PHF14: variants seen among roughly 807,000 people sequenced by gnomAD.
The protein encoded by PHF14 is PHD finger protein 14.
In PHF14, 55 loss-of-function variants were observed where a neutral mutation model predicts 117.9. The observed-to-expected ratio is 0.47, with a 90% CI of 0.38 to 0.58. PHF14 has a LOEUF of 0.58. PHF14 is among the 20% of genes least tolerant of loss of function. PHF14 has a pLI of 0.00. For synonymous variants in PHF14, 409 were observed against 368.6 expected (o/e 1.11, Z -1.26); for missense variants, 978 against 1,122.2 (o/e 0.87, Z 1.84).
At chr7:11,060,460 T>G (rs1785183469) in intron 14 of PHF14, among the ~76,000 whole-genome samples, 1 of 152,216 alleles carries the variant, frequency 6.6e-6, no homozygotes, top group Admixed American at 6.5e-5. Context: ...CAGTTAGAAC[T>G]TGAATAAGTG....
At chr7:11,102,679 A>G (rs1554272767) in intron 16 of PHF14, 6 of 1,444,698 alleles carry the variant, frequency 4.2e-6, no homozygotes, top group Non-Finnish European at 5.5e-6. Context: ...AGGTTTGGAT[A>G]GAATATAATT....
intron 4 of PHF14, chr7:11,006,752 G>T (rs898047899): frequency 1.4e-6 from 1 of 702,862 alleles, no homozygotes; most frequent in African/African-American, 1.8e-5. Context: ...GTGACATGCG[G>T]ATCTTCTTTT....
chr7:11,159,947 A>G (rs934818165), intron 17 of PHF14, among the ~76,000 whole-genome samples: 1 of 152,196 alleles, frequency 6.6e-6, no homozygotes, highest in Non-Finnish European at 1.5e-5. Context: ...CAAGAGGTAC[A>G]TGGGCAGGTT....
At chr7:11,083,653 G>C (rs1786260214) in intron 16 of PHF14, among the ~76,000 whole-genome samples, 1 of 151,804 alleles carries the variant, frequency 6.6e-6, no homozygotes, top group Non-Finnish European at 1.5e-5. Flanking sequence ...AGTAGAGACA[G>C]GGTTTCACCA....
At chr7:11,040,796 T>A (rs951245670) in intron 12 of PHF14, 21 bp downstream of exon 12, 3 of 1,183,290 alleles carry the variant, frequency 2.5e-6, no homozygotes, top group Non-Finnish European at 3.6e-6. Flanking sequence ...AAATTAATAA[T>A]GATAGAATAA....
intron 17 of PHF14, among the ~76,000 whole-genome samples, chr7:11,118,889 T>G (rs1346162330): frequency 6.6e-6 from 1 of 151,874 alleles, no homozygotes. Context: ...AGTTTGTCAG[T>G]GTTTATGATA....
chr7:11,003,180 C>T (rs755861054), intron 4 of PHF14, among the ~76,000 whole-genome samples: 3 of 152,168 alleles, frequency 2.0e-5, no homozygotes, highest in Admixed American at 6.5e-5. Context: ...ACCTCGTGGT[C>T]CGCCCGCCTT....
chr7:11,132,590 T>C (rs1788119960), intron 17 of PHF14, among the ~76,000 whole-genome samples: 2 of 151,984 alleles, frequency 1.3e-5, no homozygotes, highest in East Asian at 3.9e-4. Flanking sequence ...GGTGATTTCA[T>C]TTCCTTTGAG....
chr7:11,081,127 A>G (rs896300868), intron 16 of PHF14, among the ~76,000 whole-genome samples: 1 of 152,228 alleles, frequency 6.6e-6, no homozygotes, highest in Admixed American at 6.5e-5. Flanking sequence ...GTATGAAACT[A>G]TAAAAGAAGT....
At chr7:11,104,125 G>C in intron 16 of PHF14, 12 of 984,718 alleles carry the variant, frequency 1.2e-5, no homozygotes, top group Non-Finnish European at 1.3e-5. Flanking sequence ...TAGGTTTTTT[G>C]AGAAACTCTT....
At chr7:11,108,019 G>A (rs1195614889) in intron 16 of PHF14, 1 of 151,660 alleles carries the variant, frequency 6.6e-6, no homozygotes. Context: ...ATTTGATGAA[G>A]ATTACAAAGT....
chr7:11,165,060 G>C (rs955063394), intron 17 of PHF14, among the ~76,000 whole-genome samples: 12 of 152,164 alleles, frequency 7.9e-5, no homozygotes, highest in Non-Finnish European at 1.6e-4. Context: ...GAGTAGCTGG[G>C]ACTATAGGCG....
chr7:10,974,719 A>G, intron 1 of PHF14, 116 bp from the exon 2 acceptor site: 1 of 638,786 alleles, frequency 1.6e-6, no homozygotes, highest in Middle Eastern at 2.5e-4. Flanking sequence ...TTTGCTGAGA[A>G]CTCAGTTAGA....
In PHF14 at chr7:11,051,861, CAT is replaced by C. The variant is rs1479828158; in HGVS notation, c.2481+85_2481+86del. Reference sequence around the variant, plus strand: ...GAGAGTGAGAAAGACACAGGGCAAACATATACTCAGAAGTCAAAGAAAAAGAC... The same window carrying C: ...GAGAGTGAGAAAGACACAGGGCAAACATACTCAGAAGTCAAAGAAAAAGAC... On this transcript the variant is annotated intron_variant, in intron 14 of 17. Coordinates refer to ENST00000634607, the MANE Select transcript of PHF14 (RefSeq NM_001007157.2). The C allele has an allele frequency of 2.9e-5, 34 of 1,155,598 alleles. No individual in the cohort carries two copies. The Admixed American group carries it at 5.5e-4, about 19-fold the overall frequency. 71.6% of individuals were successfully genotyped at this position (1,155,598 alleles called of 1,614,324 possible).
At chr7:11,120,172 A>C (rs1182672315) in intron 17 of PHF14, among the ~76,000 whole-genome samples, 1 of 151,764 alleles carries the variant, frequency 6.6e-6, no homozygotes, top group Non-Finnish European at 1.5e-5. Flanking sequence ...TGTAGATGAA[A>C]GTGTTTTTCT....
At chr7:11,162,072 C>CTTTTTTTTTTTT (rs564998009) in intron 17 of PHF14, among the ~76,000 whole-genome samples, 12 of 70,276 alleles carry the variant, frequency 1.7e-4, no homozygotes, top group African/African-American at 4.1e-4. Context: ...AAAAATATGT[C>CTTTTTTTTTTTT]TTTTTTTTTT....
At chr7:10,977,154 A>G (rs1423096902) in intron 2 of PHF14, among the ~76,000 whole-genome samples, 1 of 152,022 alleles carries the variant, frequency 6.6e-6, no homozygotes, top group South Asian at 2.1e-4. Context: ...AGAATAAGAC[A>G]TTAGTCCTAT....
intron 4 of PHF14, among the ~76,000 whole-genome samples, chr7:10,992,755 C>G (rs1291063666): frequency 1.3e-5 from 2 of 152,146 alleles, no homozygotes; most frequent in Non-Finnish European, 1.5e-5. Context: ...GCTGTTTTAT[C>G]TAATTTATAT....
chr7:11,015,712 A>G (rs1783510720), intron 5 of PHF14, among the ~76,000 whole-genome samples: 2 of 151,994 alleles, frequency 1.3e-5, no homozygotes, highest in South Asian at 4.1e-4. Flanking sequence ...GTGGTCAGTA[A>G]ATGTCTCCTT....
Sources: allele counts gnomAD v4.1 joint callset (sites outside exome capture counted in the v4.1 genomes callset), GRCh38; gene constraint gnomAD v4.1.1; transcripts MANE v1.5; gene names NCBI Gene and HGNC (gene_info 2026-07-23, HGNC 2026-07-21).